SLC13A3: variants seen among roughly 807,000 people sequenced by gnomAD.
The protein encoded by SLC13A3 is solute carrier family 13 member 3.
SLC13A3 carries 40 observed loss-of-function variants against 59.0 expected under a neutral mutation model. That is an observed-to-expected ratio of 0.68 (90% CI 0.53 to 0.88). SLC13A3 has a LOEUF of 0.88. Among genes scored for constraint, SLC13A3 ranks in the 40% least tolerant of loss-of-function variants. The pLI is 0.00. For missense variants in SLC13A3, 699 were observed against 783.2 expected, an observed-to-expected ratio of 0.89 and a Z score of 1.28; for synonymous variants, 317 against 330.3, an observed-to-expected ratio of 0.96 and a Z score of 0.44.
intron 1 of SLC13A3, among the ~76,000 whole-genome samples, chr20:46,648,296 G>A (rs942321383): frequency 6.6e-6 from 1 of 151,942 alleles, no homozygotes; most frequent in African/African-American, 2.4e-5. Flanking sequence ...AGATGATGAT[G>A]TTTTCTAAGG....
At chr20:46,682,636 T>A (rs186998482) in intron 1 of SLC13A3, among the ~76,000 whole-genome samples, 3 of 152,204 alleles carry the variant, frequency 2.0e-5, no homozygotes, top group Non-Finnish European at 2.9e-5. Flanking sequence ...GCTTCTTCTG[T>A]AAAATGGGTT....
chr20:46,662,616 A>G (rs960706383), intron 1 of SLC13A3, among the ~76,000 whole-genome samples: 4 of 152,266 alleles, frequency 2.6e-5, no homozygotes, highest in African/African-American at 7.2e-5. Context: ...CACACTGCTC[A>G]AACACTCTGG....
intron 1 of SLC13A3, among the ~76,000 whole-genome samples, chr20:46,644,437 AT>A (rs1273198469): frequency 6.6e-6 from 1 of 151,348 alleles, no homozygotes; most frequent in Admixed American, 6.6e-5. Context: ...AGCATCTCCC[AT>A]TTTTTTTTCC....
At chr20:46,617,609 CGTGTGTGTGT>C (rs573612968) in intron 1 of SLC13A3, among the ~76,000 whole-genome samples, 6 of 69,248 alleles carry the variant, frequency 8.7e-5, no homozygotes, top group African/African-American at 2.7e-4. Flanking sequence ...TGTGTGTGTG[CGTGTGTGTGT>C]GTGTGTGTGT....
In SLC13A3 at chr20:46,597,675, A is replaced by G. The variant is rs553741402; in HGVS notation, c.609-1333T>C. Among the ~76,000 whole-genome samples the G allele has an allele frequency of 1.1e-4, 16 of 152,306 alleles. No individual in the cohort carries two copies. The East Asian group carries it at 1.5e-3, about 15-fold the overall frequency. On this transcript the variant is annotated intron_variant, in intron 4 of 12. Transcript: ENST00000279027. The stretch of plus-strand genomic sequence containing the variant: ...TGGTCTCGAACTCCTCACCTCAGGT[A>G]ATCTGCCCGCCTTGGCCTCCCAAAG...
chr20:46,592,341 C>T, intron 6 of SLC13A3, 63 bp downstream of exon 6: 2 of 1,594,166 alleles, frequency 1.3e-6, no homozygotes, highest in South Asian at 1.1e-5. Flanking sequence ...TAGGCAGATA[C>T]TGAGGTTAGA....
chr20:46,579,966 CACT>C lies in SLC13A3; in HGVS notation c.1219+3603_1219+3605del, dbSNP rs766342737. ...CTTGCCACGAGACTGAGGCACTCATCACTACTTTTTTTTTTTTGAGACAGAGTC... is the reference window on the plus strand; with the variant it reads ...CTTGCCACGAGACTGAGGCACTCATCACTTTTTTTTTTTTGAGACAGAGTC... On this transcript the variant is annotated intron_variant, in intron 9 of 12. Transcript: ENST00000279027. Among the ~76,000 whole-genome samples the C allele has an allele frequency of 1.1e-3, 168 of 152,026 alleles. 2 individuals are homozygous for C. In the South Asian group the frequency reaches 0.014, roughly 13 times the overall value.
At chr20:46,569,534 C>T (rs577714572) in intron 10 of SLC13A3, among the ~76,000 whole-genome samples, 3 of 152,224 alleles carry the variant, frequency 2.0e-5, no homozygotes, top group East Asian at 1.9e-4. Context: ...TATCTGTAAA[C>T]GAGGGATAAT....
chr20:46,569,575 G>A (rs1397680889), intron 10 of SLC13A3, among the ~76,000 whole-genome samples: 2 of 152,198 alleles, frequency 1.3e-5, no homozygotes. Flanking sequence ...GTTATTGTTG[G>A]GAGAAAAGGA....
At chr20:46,562,917 A>G (rs1035879844) in intron 12 of SLC13A3, among the ~76,000 whole-genome samples, 4 of 152,054 alleles carry the variant, frequency 2.6e-5, no homozygotes, top group Admixed American at 2.6e-4. Context: ...GCCAGTGGAG[A>G]GGGAAAAGGC....
intron 1 of SLC13A3, among the ~76,000 whole-genome samples, chr20:46,634,351 G>A (rs916301417): frequency 6.6e-6 from 1 of 152,156 alleles, no homozygotes; most frequent in African/African-American, 2.4e-5. Context: ...GGAAGTAGTT[G>A]AGGCCACCGG....
At chr20:46,670,737 G>A (rs778546301), upstream of SLC13A3, among the ~76,000 whole-genome samples, 32 of 152,086 alleles carry the variant, frequency 2.1e-4, no homozygotes, top group Non-Finnish European at 4.1e-4. Flanking sequence ...ACCCAACTGA[G>A]CCCAGTCAAT....
Position 46,588,070 on chromosome 20 carries a change from G to A in SLC13A3, c.1110C>T (p.Leu370=), listed in dbSNP as rs373988172. Residue 370 remains leucine (L), a synonymous_variant, in exon 8 of 13, where the codon CTC becomes CTT. Transcript: ENST00000279027. ...CCCCAGAGTCTCACCCAGGATTGAA[G>A]AGGCTGGCCCAGCCAGGGATGAACT... ...DPKFIPGWAS[L]FNPGFLSDAV... The A allele has an allele frequency of 3.1e-6, 5 of 1,604,462 alleles. No individual in the cohort carries two copies. In the African/African-American group the frequency reaches 5.4e-5, roughly 17 times the overall value.
chr20:46,621,973 T>C (rs756130217), intron 1 of SLC13A3, among the ~76,000 whole-genome samples: 1 of 152,050 alleles, frequency 6.6e-6, no homozygotes, highest in Non-Finnish European at 1.5e-5. Context: ...CCATGGAAAA[T>C]AGGGTGGTAA....
At chr20:46,660,729 C>T (rs1168818618) in intron 1 of SLC13A3, among the ~76,000 whole-genome samples, 1 of 152,130 alleles carries the variant, frequency 6.6e-6, no homozygotes, top group Non-Finnish European at 1.5e-5. Context: ...ACCTCTTTTG[C>T]CCCATTCTCT....
intron 9 of SLC13A3, among the ~76,000 whole-genome samples, chr20:46,580,568 G>A (rs1020593152): frequency 1.3e-4 from 20 of 151,928 alleles, no homozygotes; most frequent in Non-Finnish European, 2.5e-4. Context: ...TGTAACCCCT[G>A]ATCTATAAAG....
At chr20:46,623,864 AAAAGTC>A (rs777308343) in intron 1 of SLC13A3, among the ~76,000 whole-genome samples, 63 of 152,352 alleles carry the variant, frequency 4.1e-4, no homozygotes, top group African/African-American at 4.8e-4. Context: ...GGCAAACAGG[AAAAGTC>A]AAGTAACTTG....
At chr20:46,615,747 A>G (rs2062548194) in intron 1 of SLC13A3, among the ~76,000 whole-genome samples, 1 of 152,194 alleles carries the variant, frequency 6.6e-6, no homozygotes, top group Non-Finnish European at 1.5e-5. Context: ...AATACACCCT[A>G]CATTGGAAAA....
chr20:46,655,973 G>GTATGTATA (rs915114536), upstream of SLC13A3, among the ~76,000 whole-genome samples: 2 of 138,540 alleles, frequency 1.4e-5, no homozygotes, highest in Non-Finnish European at 3.0e-5. Context: ...ATGTATATAT[G>GTATGTATA]TATGTATATA....
Sources: gnomAD v4.1 joint callset for allele counts (sites outside exome capture counted in the v4.1 genomes callset) on GRCh38, gnomAD v4.1.1 for gene constraint, MANE v1.5 for transcripts, NCBI Gene and HGNC (gene_info 2026-07-23, HGNC 2026-07-21) for gene names.